CCDC40: variants seen among roughly 807,000 people sequenced by gnomAD.
The protein encoded by CCDC40 is coiled-coil domain-containing protein 40.
CCDC40 carries 104 observed loss-of-function variants against 124.5 expected under a neutral mutation model. The ratio of observed to expected loss-of-function variants is 0.84; its 90% CI spans 0.71 to 0.98. The LOEUF (loss-of-function observed/expected upper bound fraction) is 0.98, where lower values mean the gene tolerates loss of function less well. CCDC40 is among the 50% of genes least tolerant of loss of function. CCDC40 has a pLI of 0.00. For missense variants in CCDC40, 1,463 were observed against 1,503.9 expected (o/e 0.97, Z 0.45); for synonymous variants, 580 against 602.9 (o/e 0.96, Z 0.56).
intron 17 of CCDC40, among the ~76,000 whole-genome samples, chr17:80,092,906 A>G (rs1197649185): frequency 6.6e-6 from 1 of 152,216 alleles, no homozygotes; most frequent in Non-Finnish European, 1.5e-5. Context: ...ATTTAGGTCC[A>G]TAATGTATTT....
chr17:80,040,053 C>T lies in CCDC40; in HGVS notation c.335C>T (p.Thr112Met), dbSNP rs1229219183. ...GAAGGGCAAATCAGTGCTGCAGATA[C>T]GACTTACCCGTATTTCAGTCCTCCT... ...SPEGQISAAD[T>M]TYPYFSPPQE... The change falls in exon 3 of 20, where the codon ACG becomes ATG. Residue 112 changes from threonine (T) to methionine (M), a missense_variant. Coordinates refer to ENST00000397545, the MANE Select transcript of CCDC40 (RefSeq NM_017950.4). The T allele has an allele frequency of 1.7e-5, 27 of 1,613,832 alleles. No homozygotes were observed. The highest frequency in any genetic ancestry group is 2.7e-5 in the African/African-American group (2 of 74,920).
intron 7 of CCDC40, among the ~76,000 whole-genome samples, chr17:80,057,228 C>T (rs868341277): frequency 3.3e-5 from 5 of 151,788 alleles, no homozygotes; most frequent in South Asian, 4.2e-4. Flanking sequence ...GTTGGGATTA[C>T]GGACGTGCAC....
intron 18 of CCDC40, among the ~76,000 whole-genome samples, chr17:80,096,699 T>TC (rs1419853327): frequency 1.3e-5 from 2 of 152,110 alleles, no homozygotes; most frequent in Non-Finnish European, 2.9e-5. Flanking sequence ...CCAAAGATCT[T>TC]CCGTGTCCCC....
rs1051500497 is a variant in CCDC40 at position 80,066,064 on chromosome 17, G to A, written c.1562+458G>A. Reference sequence around the variant, plus strand: ...GGGCATCCCCTCACTTCTGGGGATGGATGCGTGGCTCAGGGCAGGGCGTTG... The same window carrying A: ...GGGCATCCCCTCACTTCTGGGGATGAATGCGTGGCTCAGGGCAGGGCGTTG... On this transcript the variant is annotated intron_variant, in intron 10 of 19. Coordinates refer to ENST00000397545, the MANE Select transcript of CCDC40 (RefSeq NM_017950.4). The surrounding 1 kb of genome is among the most constrained non-coding windows in gnomAD (Gnocchi z 4.4). The A allele has an allele frequency of 1.4e-6, 1 of 702,418 alleles. No individual in the cohort carries two copies. The highest frequency in any genetic ancestry group is 1.7e-5 in the African/African-American group (1 of 57,220). The allele number at this position is 702,418 out of a possible 1,614,324, so 43.5% of individuals were successfully genotyped here.
At chr17:80,039,618 G>A (rs2037220723) in intron 2 of CCDC40, among the ~76,000 whole-genome samples, 194 bp from the exon 3 acceptor site, 1 of 151,874 alleles carries the variant, frequency 6.6e-6, no homozygotes, top group South Asian at 2.1e-4. Context: ...CACCATGTTG[G>A]TCAGGATGGT....
Position 80,099,917 on chromosome 17 carries a change from C to T in CCDC40, c.*142C>T, listed in dbSNP as rs2038890465. The T allele has an allele frequency of 1.1e-6, 1 of 890,228 alleles. No homozygotes were observed. Among genetic ancestry groups the T allele is most frequent in the Non-Finnish European group, 1.7e-6 (1 of 582,746 alleles). The allele number at this position is 890,228 out of a possible 1,614,324, so 55.1% of individuals were successfully genotyped here. A position where few individuals can be genotyped will look rare whatever the true frequency, so the allele number is the denominator to read the frequency against. On this transcript the variant is annotated 3_prime_UTR_variant, in exon 20 of 20. Coordinates refer to ENST00000397545, the MANE Select transcript of CCDC40 (RefSeq NM_017950.4). ...ATCGTTTAAGAGAAATAAGCCAGCC[C>T]CACCCATAGGAATCTTTTTAGCCAC...
At chr17:80,037,688 A>AAAAAAAATATATATATATATAT in intron 1 of CCDC40, among the ~76,000 whole-genome samples, 15 of 45,666 alleles carry the variant, frequency 3.3e-4, no homozygotes, top group African/African-American at 8.3e-4. Flanking sequence ...TTTTTTAAAA[A>AAAAAAAATATATATATATATAT]AGATATACAT....
In CCDC40 at chr17:80,065,601, G is replaced by A. The variant is rs768646454; in HGVS notation, c.1557G>A (p.Ala519=). The A allele has an allele frequency of 1.8e-5, 29 of 1,612,402 alleles. No homozygotes were observed. The highest frequency in any genetic ancestry group is 1.6e-4 in the South Asian group (15 of 91,030). ...AGGCGCACAGGGCGGTGCTGGAGGCGCTCAGGTACTGCAGGGCCACAGGCA... is the reference window on the plus strand; with the variant it reads ...AGGCGCACAGGGCGGTGCTGGAGGCACTCAGGTACTGCAGGGCCACAGGCA... ...RDEAHRAVLE[A]LRGCQHQAKS... The change falls in exon 10 of 20, where the codon GCG becomes GCA. Residue 519 remains alanine (A), a synonymous_variant. Transcript: ENST00000397545.
intron 17 of CCDC40, among the ~76,000 whole-genome samples, chr17:80,094,781 T>C (rs2038778067): frequency 6.6e-6 from 1 of 152,070 alleles, no homozygotes; most frequent in Admixed American, 6.6e-5. Flanking sequence ...CATAGAACCT[T>C]TCTATGACTC....
intron 10 of CCDC40, among the ~76,000 whole-genome samples, chr17:80,069,737 C>T (rs1393301265): frequency 2.7e-5 from 4 of 147,730 alleles, no homozygotes; most frequent in African/African-American, 7.6e-5. Flanking sequence ...GGTGACAGAG[C>T]GAGACTTCGT....
intron 9 of CCDC40, among the ~76,000 whole-genome samples, chr17:80,059,930 C>T (rs1354619041): frequency 1.2e-4 from 18 of 152,106 alleles, no homozygotes; most frequent in African/African-American, 4.3e-4. Context: ...AGGGAGGGCC[C>T]GGGGCTGGGC....
Position 80,077,589 on chromosome 17 carries a change from C to T in CCDC40, c.1563-3957C>T, listed in dbSNP as rs150632713. On this transcript the variant is annotated intron_variant, in intron 10 of 19. Transcript: ENST00000397545. ...TGACTGGTTCCAATTTGCATTTTCT[C>T]CAGCAATTTATGAGAGTCCCAGTTG... Among the ~76,000 whole-genome samples the T allele has an allele frequency of 7.5e-4, 115 of 152,334 alleles. 1 individual carries two copies. In the East Asian group the frequency reaches 0.016, roughly 22 times the overall value.
Position 80,095,358 on chromosome 17 carries a change from G to A in CCDC40, c.2928G>A (p.Glu976=), listed in dbSNP as rs1598553851. The change falls in exon 18 of 20, where the codon GAG becomes GAA. Residue 976 remains glutamate (E), a synonymous_variant. Transcript: ENST00000397545. Reference sequence around the variant, plus strand: ...GAGAGACCGTCACCACCCAGGCCGAGGGGCAGCGCAAGATGGACAGGAAGG... The same window carrying A: ...GAGAGACCGTCACCACCCAGGCCGAAGGGCAGCGCAAGATGGACAGGAAGG... ...ARRETVTTQA[E]GQRKMDRKAL... 6.2e-7 allele frequency: 1 copy of A among 1,614,144 alleles called. No individual in the cohort carries two copies. The highest frequency in any genetic ancestry group is 2.2e-5 in the East Asian group (1 of 44,892).
intron 9 of CCDC40, among the ~76,000 whole-genome samples, chr17:80,064,493 C>G (rs1347328614): frequency 6.6e-6 from 1 of 152,132 alleles, no homozygotes; most frequent in Non-Finnish European, 1.5e-5. Context: ...CCCGGCAGCC[C>G]CGGGGTCGCT....
At position 80,095,272 on chromosome 17, in the gene CCDC40, GGGCAGCTGCT is replaced by G. The variant is rs1567816864; in HGVS notation, c.2844_2853del (p.Gln949SerfsTer6). 1 of 1,613,850 alleles carries G rather than the reference GGGCAGCTGCT, an allele frequency of 6.2e-7. No individual in the cohort carries two copies. The highest frequency in any genetic ancestry group is 1.7e-5 in the Admixed American group (1 of 60,034). The stretch of plus-strand genomic sequence containing the variant: ...CTGTCCTGTCTCCCAGGTCAGGCTC[GGGCAGCTGCT>G]GAAGCAGCAGGAGAAGATGATCCGT... On this transcript the variant is annotated frameshift_variant, in exon 18 of 20. Transcript: ENST00000397545. LOFTEE classifies it high-confidence loss of function.
rs1434058166 is a variant in CCDC40, at chr17:80,088,888, C to G, written c.2711+786C>G. Among the ~76,000 whole-genome samples the G allele has an allele frequency of 3.9e-5, 6 of 152,304 alleles. No homozygotes were observed. The East Asian group carries it at 5.8e-4, about 15-fold the overall frequency. ...AGATTCCCCACAGAGTCTGTCTACCCCCCTTGGTGGCAGTTCTTGAGCCAA... is the reference window on the plus strand; with the variant it reads ...AGATTCCCCACAGAGTCTGTCTACCGCCCTTGGTGGCAGTTCTTGAGCCAA... On this transcript the variant is annotated intron_variant, in intron 16 of 19. Coordinates refer to ENST00000397545, the MANE Select transcript of CCDC40 (RefSeq NM_017950.4).
At chr17:80,089,668 GCAGC>G in intron 16 of CCDC40, 92 bp from the exon 17 acceptor site, 1 of 1,466,214 alleles carries the variant, frequency 6.8e-7, no homozygotes, top group Non-Finnish European at 9.5e-7. Flanking sequence ...CTCTGCCATT[GCAGC>G]TTGAGAGCCT....
At chr17:80,079,296 TG>T (rs970667828) in intron 10 of CCDC40, among the ~76,000 whole-genome samples, 2 of 152,192 alleles carry the variant, frequency 1.3e-5, no homozygotes, top group Non-Finnish European at 2.9e-5. Context: ...CCAAGCAACC[TG>T]TTACTGTTTC....
chr17:80,038,041 A>G (rs2037174738), intron 1 of CCDC40, 82 bp from the exon 2 acceptor site: 1 of 869,676 alleles, frequency 1.1e-6, no homozygotes, highest in Non-Finnish European at 1.9e-6. Flanking sequence ...AAATAAACAG[A>G]TGTGCAGAAT....
Sources: allele counts gnomAD v4.1 joint callset (sites outside exome capture counted in the v4.1 genomes callset), GRCh38; gene constraint gnomAD v4.1.1; non-coding constraint Gnocchi (gnomAD v3.1); transcripts MANE v1.5; gene names NCBI Gene and HGNC (gene_info 2026-07-23, HGNC 2026-07-21).